The following ZNF627 variants were observed in gnomAD, a reference collection of about 807,000 sequenced individuals.
ZNF627 encodes zinc finger protein 627.
ZNF627 carries 12 observed loss-of-function variants against 10.6 expected under a neutral mutation model. The observed-to-expected ratio is 1.13, with a 90% CI of 0.73 to 1.84. The LOEUF (loss-of-function observed/expected upper bound fraction) is 1.84, where lower values mean the gene tolerates loss of function less well. ZNF627 is among the 40% of genes most tolerant of loss of function. ZNF627 has a pLI of 0.00. For missense variants in ZNF627, 504 were observed against 568.4 expected, an observed-to-expected ratio of 0.89 and a Z score of 1.15; for synonymous variants, 176 against 187.1, an observed-to-expected ratio of 0.94 and a Z score of 0.48.
rs1973927243 is a variant in ZNF627 at position 11,619,055 on chromosome 19, C to T, written c.*1166C>T. The T allele has an allele frequency of 6.6e-6, 1 of 152,076 alleles. No individual in the cohort carries two copies. The highest frequency in any genetic ancestry group is 6.5e-5 in the Admixed American group (1 of 15,268). 9.4% of individuals were successfully genotyped at this position (152,076 alleles called of 1,614,324 possible). ...GTTAAGTCATGCTGTTTTGTGTGCT[C>T]TCTTGCTAAAGACCGCAGAGACCAT... On this transcript the variant is annotated 3_prime_UTR_variant, in exon 4 of 4. Coordinates refer to ENST00000361113, the MANE Select transcript of ZNF627 (RefSeq NM_145295.4).
chr19:11,608,630 A>G (rs1321706142), intron 1 of ZNF627, among the ~76,000 whole-genome samples: 1 of 152,132 alleles, frequency 6.6e-6, no homozygotes, highest in Non-Finnish European at 1.5e-5. Context: ...CTTATTGGCC[A>G]TTTGTATATA....
At chr19:11,600,206 T>C (rs1406620620) in intron 1 of ZNF627, among the ~76,000 whole-genome samples, 2 of 152,098 alleles carry the variant, frequency 1.3e-5, no homozygotes, top group Admixed American at 6.6e-5. Flanking sequence ...TTTGGGAGGC[T>C]GAGGCAGGCA....
intron 1 of ZNF627, among the ~76,000 whole-genome samples, chr19:11,602,233 G>C (rs796613986): frequency 1.3e-5 from 2 of 152,036 alleles, no homozygotes; most frequent in Non-Finnish European, 2.9e-5. Context: ...TCAGGGGCTG[G>C]AGGAAGAAGA....
chr19:11,604,153 T>C (rs1450637538), intron 1 of ZNF627: 1 of 152,118 alleles, frequency 6.6e-6, no homozygotes, highest in Non-Finnish European at 1.5e-5. Context: ...GGTGAGCCAA[T>C]ATGTTACTAA....
intron 1 of ZNF627, 53 bp from the exon 2 acceptor site, chr19:11,614,474 C>T: frequency 6.2e-7 from 1 of 1,610,760 alleles, no homozygotes; most frequent in Non-Finnish European, 8.5e-7. Context: ...AAGTCTAGGC[C>T]CCCAGTGCTG....
At chr19:11,609,765 A>G (rs1973741579) in intron 1 of ZNF627, among the ~76,000 whole-genome samples, 2 of 151,678 alleles carry the variant, frequency 1.3e-5, no homozygotes, top group Admixed American at 6.6e-5. Context: ...TGATCCGCCC[A>G]CCTTGGCCTC....
At chr19:11,609,982 C>G (rs577916015) in intron 1 of ZNF627, among the ~76,000 whole-genome samples, 1 of 151,660 alleles carries the variant, frequency 6.6e-6, no homozygotes, top group Non-Finnish European at 1.5e-5. Flanking sequence ...CAATTTTTTC[C>G]CATTGATGAG....
chr19:11,617,106 G>C lies in ZNF627; in HGVS notation c.603G>C (p.Gly201=), dbSNP rs776323722. Residue 201 remains glycine (G), a synonymous_variant, in exon 4 of 4, where the codon GGG becomes GGC. Transcript: ENST00000361113. ...TACCTTACAAATGTAAGGTGTGTGG[G>C]AAAGCCTTTGATTATCCCAGTTTAT... is the stretch of plus-strand genomic sequence containing the variant. ...GGVPYKCKVC[G]KAFDYPSLFR... The C allele has an allele frequency of 1.2e-6, 2 of 1,614,102 alleles. No homozygotes were observed. Among genetic ancestry groups the C allele is most frequent in the East Asian group, 4.5e-5 (2 of 44,884 alleles).
chr19:11,607,445 T>A (rs1433967088), intron 1 of ZNF627, among the ~76,000 whole-genome samples: 1 of 152,160 alleles, frequency 6.6e-6, no homozygotes, highest in Non-Finnish European at 1.5e-5. Context: ...GGGTTTTTTT[T>A]TCTGTTCCAT....
chr19:11,617,810 T>C lies in ZNF627; in HGVS notation c.1307T>C (p.Val436Ala). 6.2e-7 allele frequency: 1 copy of C among 1,609,362 alleles called. No individual in the cohort carries two copies. The highest frequency in any genetic ancestry group is 8.5e-7 in the Non-Finnish European group (1 of 1,178,594). ...TTCAGTCGATCCACTTACTTTCGAGTACATGAAAAAATTCATACTGGAGAG... is the reference window on the plus strand; with the variant it reads ...TTCAGTCGATCCACTTACTTTCGAGCACATGAAAAAATTCATACTGGAGAG... ...KAFSRSTYFRVHEKIHTGEKP... is the reference protein window; with the variant it reads ...KAFSRSTYFRAHEKIHTGEKP... The change falls in exon 4 of 4, where the codon GTA (valine) becomes GCA (alanine). Residue 436 changes from valine (V) to alanine (A), a missense_variant. Transcript: ENST00000361113.
Position 11,617,712 on chromosome 19 carries a change from C to T in ZNF627, c.1209C>T (p.Ser403=). 1 of 1,613,126 alleles carries T rather than the reference C, an allele frequency of 6.2e-7. No individual in the cohort carries two copies. Among genetic ancestry groups the T allele is most frequent in the Non-Finnish European group, 8.5e-7 (1 of 1,179,730 alleles). The change falls in exon 4 of 4, where the codon TCC becomes TCT. Residue 403 remains serine, a synonymous_variant. Coordinates refer to ENST00000361113, the MANE Select transcript of ZNF627 (RefSeq NM_145295.4). ...CTKCGKAFSR[S]SYFRIHERTH... is the part of the protein sequence containing the mutation. ...AATGTGGGAAAGCCTTCAGTCGTTC[C>T]AGTTACTTCCGAATCCATGAAAGAA...
At chr19:11,602,796 C>T (rs1314278789) in intron 1 of ZNF627, among the ~76,000 whole-genome samples, 1 of 152,220 alleles carries the variant, frequency 6.6e-6, no homozygotes, top group Non-Finnish European at 1.5e-5. Flanking sequence ...AGAACCTTCA[C>T]CTGGCTCTGG....
rs1973907846 is a variant in ZNF627, at chr19:11,617,907, T to TAG, written c.*22_*23dup. ...TTTCATGAGCATGAAAGGAGTCACA[T>TAG]AGAGAAACCCCATGAAAGTAAGAAA... On this transcript the variant is annotated 3_prime_UTR_variant, in exon 4 of 4. Coordinates refer to ENST00000361113, the MANE Select transcript of ZNF627 (RefSeq NM_145295.4). The TAG allele has an allele frequency of 4.0e-6, 6 of 1,505,178 alleles. No individual in the cohort carries two copies. The East Asian group carries it at 1.4e-4, about 34-fold the overall frequency. The allele number at this position is 1,505,178 out of a possible 1,614,324, so 93.2% of individuals were successfully genotyped here.
intron 2 of ZNF627, 40 bp from the exon 3 acceptor site, chr19:11,614,787 T>G: frequency 6.3e-7 from 1 of 1,589,710 alleles, no homozygotes; most frequent in South Asian, 1.1e-5. Context: ...TTCATAATTT[T>G]ATACTAATTC....
chr19:11,608,729 C>T (rs1973715832), intron 1 of ZNF627, among the ~76,000 whole-genome samples: 1 of 152,022 alleles, frequency 6.6e-6, no homozygotes, highest in Non-Finnish European at 1.5e-5. Context: ...CTATGATGCC[C>T]AGGCTGGATT....
At chr19:11,616,188 C>T (rs556349501) in intron 3 of ZNF627, among the ~76,000 whole-genome samples, 6 of 151,656 alleles carry the variant, frequency 4.0e-5, no homozygotes, top group Non-Finnish European at 7.4e-5. Context: ...CACGCGTGCT[C>T]CACTGCGCCT....
At chr19:11,609,803 C>T (rs959043168) in intron 1 of ZNF627, among the ~76,000 whole-genome samples, 1 of 151,966 alleles carries the variant, frequency 6.6e-6, no homozygotes, top group African/African-American at 2.4e-5. Flanking sequence ...CAGGCGTGAG[C>T]CACCGCGCCT....
At chr19:11,604,972 G>T (rs900863391) in intron 1 of ZNF627, among the ~76,000 whole-genome samples, 3 of 152,070 alleles carry the variant, frequency 2.0e-5, no homozygotes, top group African/African-American at 7.2e-5. Context: ...ACTGACTTCT[G>T]CAGGCCAGTG....
At chr19:11,608,435 T>A (rs752128544) in intron 1 of ZNF627, among the ~76,000 whole-genome samples, 2 of 152,214 alleles carry the variant, frequency 1.3e-5, no homozygotes, top group Non-Finnish European at 2.9e-5. Context: ...TTGAAGCAGC[T>A]GTAATATTTT....
Sources: allele counts gnomAD v4.1 joint callset (sites outside exome capture counted in the v4.1 genomes callset), GRCh38; gene constraint gnomAD v4.1.1; transcripts MANE v1.5; gene names NCBI Gene and HGNC (gene_info 2026-07-23, HGNC 2026-07-21).